The following ACTR3C variants were observed in gnomAD, a reference collection of about 807,000 sequenced individuals.
ACTR3C encodes actin related protein 3C.
Under a neutral mutation model 26.3 loss-of-function variants are expected in ACTR3C, and 18 were observed. That is an observed-to-expected ratio of 0.68 (90% CI 0.47 to 1.01). ACTR3C has a LOEUF of 1.01. Among genes scored for constraint, ACTR3C ranks in the 50% least tolerant of loss-of-function variants. The probability of loss-of-function intolerance (pLI) is 0.00; values close to 1 mark genes in which losing one functional copy is unlikely to be tolerated. For synonymous variants in ACTR3C, 55 were observed against 94.5 expected (o/e 0.58, Z 2.42); for missense variants, 184 against 250.7 (o/e 0.73, Z 1.80).
chr7:150,009,153 G>C, the ACTR3C span, among the ~76,000 whole-genome samples: 3 of 152,366 alleles, frequency 2.0e-5, no homozygotes, highest in East Asian at 5.8e-4. Flanking sequence ...CAAGGACTCT[G>C]CTAGGCCAAG....
At chr7:150,156,561 G>A in the ACTR3C span, among the ~76,000 whole-genome samples, 53 of 151,792 alleles carry the variant, frequency 3.5e-4, no homozygotes, top group Admixed American at 8.5e-4. Context: ...AGAGAGGAGA[G>A]AGAGAGAGAG....
chr7:149,945,067 T>C, the ACTR3C span, among the ~76,000 whole-genome samples: 2 of 151,788 alleles, frequency 1.3e-5, no homozygotes, highest in East Asian at 3.9e-4. Context: ...AATGTTGTTG[T>C]TGCCTTAGGT....
chr7:150,028,002 AAATAAAAAAATTAAAAACTTT>A, the ACTR3C span, among the ~76,000 whole-genome samples: 1 of 152,184 alleles, frequency 6.6e-6, no homozygotes, highest in Non-Finnish European at 1.5e-5. Context: ...GGTGCCCAAA[AAATAAAAAAATTAAAAACTTT>A]AATAAAAAGA....
the ACTR3C span, among the ~76,000 whole-genome samples, chr7:150,219,688 C>T: frequency 7.1e-6 from 1 of 140,536 alleles, no homozygotes; most frequent in East Asian, 2.0e-4. Context: ...TAGGCCGCCG[C>T]CCACTCCCCT....
At chr7:150,244,527 C>A (rs1832366458), downstream of ACTR3C, 1 of 151,570 alleles carries the variant, frequency 6.6e-6, no homozygotes, top group South Asian at 2.1e-4. Context: ...AATGTTCTTG[C>A]AAAAATACTC....
the ACTR3C span, among the ~76,000 whole-genome samples, chr7:150,202,276 A>G: frequency 1.3e-5 from 2 of 152,172 alleles, no homozygotes; most frequent in African/African-American, 2.4e-5. Flanking sequence ...TTGATACAGA[A>G]TCACTAAAAT....
chr7:150,160,964 G>T, the ACTR3C span, among the ~76,000 whole-genome samples: 1 of 149,524 alleles, frequency 6.7e-6, no homozygotes, highest in Non-Finnish European at 1.5e-5. Flanking sequence ...GCTGGGAACA[G>T]AGACTCTGTA....
the ACTR3C span, among the ~76,000 whole-genome samples, chr7:150,019,183 T>G: frequency 6.0e-4 from 90 of 150,408 alleles, 7 homozygotes; most frequent in African/African-American, 2.2e-3. Flanking sequence ...ACATGTAATT[T>G]ACAGAGAGTT....
the ACTR3C span, among the ~76,000 whole-genome samples, chr7:150,150,639 C>T: frequency 7.2e-6 from 1 of 138,862 alleles, no homozygotes; most frequent in African/African-American, 2.5e-5. Flanking sequence ...CTGTGGCTTC[C>T]TCCTTTGCTT....
the ACTR3C span, among the ~76,000 whole-genome samples, chr7:150,109,572 C>G: frequency 6.7e-6 from 1 of 150,194 alleles, no homozygotes; most frequent in African/African-American, 2.5e-5. Flanking sequence ...AGTCTCGTGG[C>G]CTTTACGGCA....
chr7:150,075,779 G>A, the ACTR3C span, among the ~76,000 whole-genome samples: 1 of 152,154 alleles, frequency 6.6e-6, no homozygotes, highest in Non-Finnish European at 1.5e-5. Context: ...CCACATAAAT[G>A]AAAGGTGAAG....
At chr7:150,251,479 T>G (rs1832851545) in intron 6 of ACTR3C, among the ~76,000 whole-genome samples, 1 of 152,170 alleles carries the variant, frequency 6.6e-6, no homozygotes, top group African/African-American at 2.4e-5. Flanking sequence ...TATAACAATA[T>G]TCAACCCTTT....
the ACTR3C span, among the ~76,000 whole-genome samples, chr7:149,967,934 G>A: frequency 6.6e-6 from 1 of 152,282 alleles, no homozygotes; most frequent in South Asian, 2.1e-4. Flanking sequence ...GAGATGTTAG[G>A]TCCTCAACAA....
the ACTR3C span, among the ~76,000 whole-genome samples, chr7:149,942,706 A>G: frequency 6.7e-6 from 1 of 150,334 alleles, no homozygotes; most frequent in African/African-American, 2.5e-5. Flanking sequence ...AAAATATCCC[A>G]GCGAAGTATG....
At chr7:149,966,230 G>A in the ACTR3C span, among the ~76,000 whole-genome samples, 2 of 152,188 alleles carry the variant, frequency 1.3e-5, no homozygotes, top group East Asian at 1.9e-4. Flanking sequence ...TCTGTGGACC[G>A]CACTGGAGAA....
At chr7:150,139,570 CG>C in the ACTR3C span, among the ~76,000 whole-genome samples, 1 of 152,276 alleles carries the variant, frequency 6.6e-6, no homozygotes, top group Admixed American at 6.5e-5. Flanking sequence ...CTCACCTTCC[CG>C]GATCATCTCT....
At chr7:150,303,973 C>T (rs534622529) in intron 1 of ACTR3C, among the ~76,000 whole-genome samples, 55 of 152,244 alleles carry the variant, frequency 3.6e-4, no homozygotes, top group Non-Finnish European at 7.4e-4. Context: ...TAAAACCAAC[C>T]CATATTTCTG....
chr7:150,036,151 G>A, the ACTR3C span, among the ~76,000 whole-genome samples: 5 of 134,860 alleles, frequency 3.7e-5, no homozygotes, highest in African/African-American at 1.1e-4. Context: ...CCCGCCTCGT[G>A]GGGGGTGCCT....
chr7:149,996,305 C>T, the ACTR3C span, among the ~76,000 whole-genome samples: 2 of 150,414 alleles, frequency 1.3e-5, no homozygotes, highest in Non-Finnish European at 3.0e-5. Flanking sequence ...ACGGCGGAGG[C>T]TCCACTCACT....
Sources: gnomAD v4.1 joint callset for allele counts (sites outside exome capture counted in the v4.1 genomes callset) on GRCh38, gnomAD v4.1.1 for gene constraint, MANE v1.5 for transcripts, NCBI Gene and HGNC (gene_info 2026-07-23, HGNC 2026-07-21) for gene names.